Variants in COL24A1 observed in about 807,000 individuals in gnomAD.
COL24A1 encodes collagen type XXIV alpha 1 chain, also known as collagen alpha-1(XXIV) chain.
In COL24A1, 224 loss-of-function variants were observed where a neutral mutation model predicts 253.9. The ratio of observed to expected loss-of-function variants is 0.88; its 90% confidence interval spans 0.79 to 0.99. The LOEUF is 0.99. Among genes scored for constraint, COL24A1 ranks in the 50% least tolerant of loss-of-function variants. The pLI is 0.00. For synonymous variants in COL24A1, 685 were observed against 673.7 expected (o/e 1.02, Z -0.26); for missense variants, 2,131 against 2,068.5 (o/e 1.03, Z -0.59).
chr1:86,033,232 A>G (rs757393581), intron 13 of COL24A1, among the ~76,000 whole-genome samples: 2 of 152,172 alleles, frequency 1.3e-5, no homozygotes, highest in Non-Finnish European at 2.9e-5. Flanking sequence ...TTCCCAATTT[A>G]GGCTACAGAG....
At chr1:85,796,231 T>C (rs750754388) in intron 47 of COL24A1, among the ~76,000 whole-genome samples, 19 of 152,234 alleles carry the variant, frequency 1.2e-4, no homozygotes, top group Non-Finnish European at 1.9e-4. Flanking sequence ...ATCAAGGGTA[T>C]ACAATCTCTT....
Position 86,125,187 on chromosome 1 carries a change from T to C in COL24A1, c.1149A>G (p.Arg383=), listed in dbSNP as rs988428675. The C allele has an allele frequency of 1.9e-6, 3 of 1,613,514 alleles. No homozygotes were observed. Among genetic ancestry groups the C allele is most frequent in the African/African-American group, 2.7e-5 (2 of 75,028 alleles). Reference sequence around the variant, plus strand: ...TCTTAAACAGTGACAGACCAGTTACTCTATCATCATGTTGTGTGATATTGT... The same window carrying C: ...TCTTAAACAGTGACAGACCAGTTACCCTATCATCATGTTGTGTGATATTGT... ...MSDNITQHDD[R]VTGLSLFKKM... The change falls in exon 3 of 60, where the codon AGA becomes AGG. Residue 383 remains arginine, a synonymous_variant. Coordinates refer to ENST00000370571, the MANE Select transcript of COL24A1 (RefSeq NM_152890.7).
intron 12 of COL24A1, among the ~76,000 whole-genome samples, chr1:86,036,198 A>G (rs948211465): frequency 6.6e-6 from 1 of 151,458 alleles, no homozygotes; most frequent in Non-Finnish European, 1.5e-5. Flanking sequence ...TGTTGCCCAG[A>G]CTCTTCTCAA....
At chr1:85,779,640 C>T (rs1018406528) in intron 52 of COL24A1, among the ~76,000 whole-genome samples, 2 of 152,144 alleles carry the variant, frequency 1.3e-5, no homozygotes, top group African/African-American at 4.8e-5. Flanking sequence ...CTATTATTTG[C>T]AGCCAAACCT....
At chr1:85,840,739 GA>G (rs1298976458) in intron 42 of COL24A1, among the ~76,000 whole-genome samples, 2 of 152,040 alleles carry the variant, frequency 1.3e-5, no homozygotes, top group African/African-American at 4.8e-5. Context: ...TGTTTAATAA[GA>G]AGGCTATAGA....
chr1:85,999,240 G>T (rs1451797004), intron 19 of COL24A1, among the ~76,000 whole-genome samples: 1 of 152,112 alleles, frequency 6.6e-6, no homozygotes, highest in East Asian at 1.9e-4. Flanking sequence ...GACAGCTTCA[G>T]GCCAAGTACA....
chr1:86,126,889 T>C (rs1266769738), intron 2 of COL24A1, among the ~76,000 whole-genome samples: 1 of 152,176 alleles, frequency 6.6e-6, no homozygotes, highest in Non-Finnish European at 1.5e-5. Flanking sequence ...TAAAATTTAA[T>C]GAAATCTGTG....
At chr1:85,987,477 C>T (rs1693820015) in intron 20 of COL24A1, 124 bp downstream of exon 20, 1 of 857,960 alleles carries the variant, frequency 1.2e-6, no homozygotes, top group South Asian at 1.6e-5. Flanking sequence ...ATTAAATGTA[C>T]CTGAGACAGC....
intron 32 of COL24A1, among the ~76,000 whole-genome samples, chr1:85,878,170 T>A (rs1277726404): frequency 6.6e-6 from 1 of 152,226 alleles, no homozygotes; most frequent in Non-Finnish European, 1.5e-5. Context: ...AACAAAATAG[T>A]ATAAATTAAT....
chr1:85,900,630 C>A (rs1448226604), intron 28 of COL24A1, among the ~76,000 whole-genome samples: 1 of 151,952 alleles, frequency 6.6e-6, no homozygotes, highest in East Asian at 1.9e-4. Flanking sequence ...CAGAGTTACA[C>A]CCCATCTTTA....
intron 39 of COL24A1, among the ~76,000 whole-genome samples, chr1:85,843,640 C>T (rs1412549488): frequency 6.6e-6 from 1 of 152,064 alleles, no homozygotes; most frequent in African/African-American, 2.4e-5. Context: ...CAAGTAGTCT[C>T]AAGGAAATTT....
At chr1:86,076,766 G>C (rs959452604) in intron 7 of COL24A1, among the ~76,000 whole-genome samples, 2 of 152,186 alleles carry the variant, frequency 1.3e-5, no homozygotes, top group Non-Finnish European at 2.9e-5. Flanking sequence ...TTAATAAATG[G>C]TGTTGGGAAA....
intron 12 of COL24A1, among the ~76,000 whole-genome samples, chr1:86,044,418 G>GA (rs1197930129): frequency 6.6e-5 from 10 of 151,906 alleles, no homozygotes; most frequent in African/African-American, 1.9e-4. Context: ...GTAAAAATGA[G>GA]AAAAAGTACA....
chr1:85,908,347 T>C (rs1245358384), intron 27 of COL24A1, among the ~76,000 whole-genome samples: 1 of 151,770 alleles, frequency 6.6e-6, no homozygotes, highest in Non-Finnish European at 1.5e-5. Context: ...TATGTGGTTA[T>C]TCAAAAGAAA....
At chr1:85,736,779 T>C (rs1664102831) in intron 58 of COL24A1, among the ~76,000 whole-genome samples, 1 of 152,188 alleles carries the variant, frequency 6.6e-6, no homozygotes, top group Non-Finnish European at 1.5e-5. Flanking sequence ...AAACATAGTT[T>C]TGGTTTCAAT....
At chr1:85,760,338 C>G (rs1346587703) in intron 55 of COL24A1, among the ~76,000 whole-genome samples, 1 of 152,112 alleles carries the variant, frequency 6.6e-6, no homozygotes, top group Admixed American at 6.6e-5. Flanking sequence ...AGCCACCATG[C>G]CCGGCCGAAA....
At position 86,058,311 on chromosome 1, in the gene COL24A1, C is replaced by T. The variant is rs183796987; in HGVS notation, c.1807-336G>A. Among the ~76,000 whole-genome samples the T allele has an allele frequency of 2.9e-4, 44 of 151,484 alleles. No individual in the cohort carries two copies. The South Asian group carries it at 5.2e-3, about 18-fold the overall frequency. On this transcript the variant is annotated intron_variant, in intron 9 of 59. Transcript: ENST00000370571. ...TAATTAACTTATTCTAAAAGATAGGCCCATAAATTTTTTTTAAAATTTATT... is the reference window on the plus strand; with the variant it reads ...TAATTAACTTATTCTAAAAGATAGGTCCATAAATTTTTTTTAAAATTTATT...
intron 55 of COL24A1, among the ~76,000 whole-genome samples, chr1:85,760,058 G>GTTT (rs34107171): frequency 6.7e-6 from 1 of 149,284 alleles, no homozygotes; most frequent in African/African-American, 2.5e-5. Flanking sequence ...GAAAGACATT[G>GTTT]TTTTTTTTTT....
chr1:86,003,175 T>C (rs952903780), intron 19 of COL24A1, among the ~76,000 whole-genome samples: 2 of 152,154 alleles, frequency 1.3e-5, no homozygotes, highest in Admixed American at 1.3e-4. Context: ...CTATGCTTTT[T>C]GAGAAACAGT....
Sources: gnomAD v4.1 joint callset for allele counts (sites outside exome capture counted in the v4.1 genomes callset) on GRCh38, gnomAD v4.1.1 for gene constraint, MANE v1.5 for transcripts, NCBI Gene and HGNC (gene_info 2026-07-23, HGNC 2026-07-21) for gene names.